Variants in HIVEP3 observed in about 807,000 individuals in gnomAD.
The protein encoded by HIVEP3 is HIVEP zinc finger 3.
A neutral mutation model predicts 152.8 loss-of-function variants in HIVEP3; 49 were observed. The observed-to-expected ratio is 0.32, with a 90% CI of 0.26 to 0.41. The LOEUF is 0.41. HIVEP3 is among the 10% of genes least tolerant of loss of function. HIVEP3 has a pLI of 1.00. For missense variants in HIVEP3, 2,790 were observed against 3,103.3 expected (o/e 0.90, Z 2.40); for synonymous variants, 1,269 against 1,289.0 (o/e 0.98, Z 0.33).
At chr1:41,705,384 C>T (rs1311419266) in intron 1 of HIVEP3, among the ~76,000 whole-genome samples, 1 of 152,226 alleles carries the variant, frequency 6.6e-6, no homozygotes, top group Admixed American at 6.5e-5. Context: ...CCAGCCTGTG[C>T]CATCCACACT....
rs150481094 is a variant in HIVEP3 at position 41,536,554 on chromosome 1, C to T, written c.5208-11644G>A. On this transcript the variant is annotated intron_variant, in intron 5 of 8. Transcript: ENST00000372583. ...ACATGATCAAGCAAAGCAGGGGAGG[C>T]GTAGGAGGGGACGCGGTGGGGACTG... Among the ~76,000 whole-genome samples the T allele has an allele frequency of 6.6e-5, 10 of 152,006 alleles. No homozygotes were observed. The South Asian group carries it at 1.2e-3, about 19-fold the overall frequency.
At chr1:41,615,557 A>T (rs2149136145) in intron 3 of HIVEP3, among the ~76,000 whole-genome samples, 1 of 152,382 alleles carries the variant, frequency 6.6e-6, no homozygotes, top group Non-Finnish European at 1.5e-5. Context: ...ACTGCCCAGA[A>T]ACAGTGGCAG....
chr1:41,554,379 C>T (rs112939587), intron 5 of HIVEP3, among the ~76,000 whole-genome samples: 6,467 of 152,286 alleles, frequency 0.042, 211 homozygotes, highest in Middle Eastern at 0.099. Context: ...TCCTAGTTAG[C>T]CATTCGTCTA....
At chr1:41,702,713 T>C (rs924021277) in intron 1 of HIVEP3, among the ~76,000 whole-genome samples, 10 of 152,222 alleles carry the variant, frequency 6.6e-5, no homozygotes, top group African/African-American at 2.4e-4. Context: ...TTCATTTCTG[T>C]CTCCCCACAG....
In HIVEP3 at chr1:41,508,798, C is replaced by G. The variant is rs375109999; in HGVS notation, c.*1653G>C. Reference sequence around the variant, plus strand: ...TGGGGCAGGCACTTGATTCACACAGCCTGGCTGAGGACTGGGGATTAGCCA... The same window carrying G: ...TGGGGCAGGCACTTGATTCACACAGGCTGGCTGAGGACTGGGGATTAGCCA... On this transcript the variant is annotated 3_prime_UTR_variant, in exon 9 of 9. Transcript: ENST00000372583. 1 of 152,494 alleles carries G rather than the reference C, an allele frequency of 6.6e-6. No individual in the cohort carries two copies. Among genetic ancestry groups the G allele is most frequent in the Non-Finnish European group, 1.5e-5 (1 of 68,238 alleles). The allele number at this position is 152,494 out of a possible 1,614,324, so 9.4% of individuals were successfully genotyped here.
At position 41,946,143 on chromosome 1, in the gene HIVEP3, G is replaced by T. The variant is rs185636837; in HGVS notation, n.120-27619C>A. 2.5e-3 allele frequency among the ~76,000 whole-genome samples: 378 copies of T among 152,312 alleles called. 1 individual carries two copies. Among genetic ancestry groups the T allele is most frequent in the African/African-American group, 8.7e-3 (363 of 41,550 alleles). On this transcript the variant is annotated intron_variant and non_coding_transcript_variant, in intron 1 of 3. Coordinates refer to the HIVEP3 transcript ENST00000489103. ...CCTAATAGGGCTTGCTTCCAGTGCA[G>T]TCTACAAGGACGCTTTAGAAAAGAT... is the stretch of plus-strand genomic sequence containing the variant.
intron 6 of HIVEP3, among the ~76,000 whole-genome samples, chr1:41,519,225 C>G (rs570287552): frequency 6.6e-6 from 1 of 152,210 alleles, no homozygotes; most frequent in Non-Finnish European, 1.5e-5. Flanking sequence ...AAGGCCTGGG[C>G]AAGGCCTCTG....
chr1:41,707,123 C>T (rs958781682), intron 1 of HIVEP3, among the ~76,000 whole-genome samples: 2 of 152,200 alleles, frequency 1.3e-5, no homozygotes, highest in African/African-American at 4.8e-5. Flanking sequence ...TTTCATGCTG[C>T]TCCCCTCAGC....
In HIVEP3 at chr1:41,628,721, A is replaced by G. The variant is rs1007309142; in HGVS notation, c.-522+28T>C. The stretch of plus-strand genomic sequence containing the variant: ...CAGACCAACATGGCGCCTGGCAAGC[A>G]TATTCAGCAACAGCCCCCATTTCCT... On this transcript the variant is annotated intron_variant, in intron 3 of 8. Transcript: ENST00000372583. 2.8e-5 allele frequency: 34 copies of G among 1,228,550 alleles called. No individual in the cohort carries two copies. In the African/African-American group the frequency reaches 5.1e-4, roughly 19 times the overall value. 76.1% of individuals were successfully genotyped at this position (1,228,550 alleles called of 1,614,324 possible). A position where few individuals can be genotyped will look rare whatever the true frequency, so the allele number is the denominator to read the frequency against.
At chr1:41,884,998 A>G (rs1557484024) in intron 1 of HIVEP3, among the ~76,000 whole-genome samples, 1 of 152,192 alleles carries the variant, frequency 6.6e-6, no homozygotes, top group African/African-American at 2.4e-5. Flanking sequence ...GATTGGATAC[A>G]GCTGTCAAAT....
At chr1:41,979,426 G>GA (rs1355075817) in intron 1 of HIVEP3, among the ~76,000 whole-genome samples, 4 of 152,306 alleles carry the variant, frequency 2.6e-5, no homozygotes, top group Non-Finnish European at 5.9e-5. Context: ...GAGGTTCAAA[G>GA]AGGCTTAGTC....
intron 1 of HIVEP3, among the ~76,000 whole-genome samples, chr1:41,930,614 A>C (rs1644991689): frequency 6.6e-6 from 1 of 152,156 alleles, no homozygotes; most frequent in Non-Finnish European, 1.5e-5. Context: ...AATTTCAATA[A>C]CTTGAGTAAA....
chr1:41,963,303 G>T (rs1023813983), intron 1 of HIVEP3, among the ~76,000 whole-genome samples: 1 of 152,134 alleles, frequency 6.6e-6, no homozygotes, highest in Non-Finnish European at 1.5e-5. Flanking sequence ...GAGCCACCGC[G>T]CCCGGCCAAA....
chr1:41,611,437 G>A (rs1053671966), intron 3 of HIVEP3, among the ~76,000 whole-genome samples: 5 of 152,172 alleles, frequency 3.3e-5, no homozygotes, highest in African/African-American at 7.2e-5. Context: ...GCTCTCTGCC[G>A]AGAACCTGAC....
intron 3 of HIVEP3, among the ~76,000 whole-genome samples, chr1:41,602,367 A>G (rs1013910312): frequency 5.9e-5 from 9 of 152,298 alleles, no homozygotes; most frequent in African/African-American, 2.2e-4. Flanking sequence ...CAGTGAAGCT[A>G]TCTGGTCCTG....
chr1:41,661,964 C>T (rs1308611431), intron 2 of HIVEP3, among the ~76,000 whole-genome samples: 3 of 152,140 alleles, frequency 2.0e-5, no homozygotes, highest in Admixed American at 2.0e-4. Context: ...GCCCCTCACT[C>T]CAAGGGTCCC....
chr1:41,651,239 G>T (rs752553420), intron 2 of HIVEP3, among the ~76,000 whole-genome samples: 1 of 151,892 alleles, frequency 6.6e-6, no homozygotes, highest in African/African-American at 2.4e-5. Flanking sequence ...GTGAAGCCCC[G>T]TCTCTACTAA....
At position 41,949,815 on chromosome 1, in the gene HIVEP3, G is replaced by A. The variant is rs577360306; in HGVS notation, n.120-31291C>T. Among the ~76,000 whole-genome samples, 43 of 152,228 alleles carry A rather than the reference G, an allele frequency of 2.8e-4. 1 individual carries two copies. The highest frequency in any genetic ancestry group is 3.4e-3 in the Middle Eastern group (1 of 294). Reference sequence around the variant, plus strand: ...AGGCAGTCCATAACTAAAATCTACCGTGGATCCCTGGACCAGCCTGCTAGC... The same window carrying A: ...AGGCAGTCCATAACTAAAATCTACCATGGATCCCTGGACCAGCCTGCTAGC... On this transcript the variant is annotated intron_variant and non_coding_transcript_variant, in intron 1 of 3. Transcript: ENST00000489103.
intron 1 of HIVEP3, among the ~76,000 whole-genome samples, chr1:41,871,686 G>T (rs1016537473): frequency 6.6e-6 from 1 of 152,202 alleles, no homozygotes; most frequent in African/African-American, 2.4e-5. Context: ...CTATCTACGT[G>T]AAACATTATC....
Sources: gnomAD v4.1 joint callset for allele counts (sites outside exome capture counted in the v4.1 genomes callset) on GRCh38, gnomAD v4.1.1 for gene constraint, MANE v1.5 for transcripts, NCBI Gene and HGNC (gene_info 2026-07-23, HGNC 2026-07-21) for gene names.